Variants in PSMD13 observed in about 807,000 individuals in gnomAD.
PSMD13 encodes 26S proteasome non-ATPase regulatory subunit 13.
PSMD13 carries 8 observed loss-of-function variants against 57.4 expected under a neutral mutation model. The observed-to-expected ratio is 0.14, with a 90% CI of 0.08 to 0.25. The LOEUF (loss-of-function observed/expected upper bound fraction) is 0.25, where lower values mean the gene tolerates loss of function less well. Ranked by LOEUF, PSMD13 falls within the 10% of genes least tolerant of loss-of-function variation. PSMD13 has a pLI of 1.00. For synonymous variants in PSMD13, 193 were observed against 168.2 expected, an observed-to-expected ratio of 1.15 and a Z score of -1.14; for missense variants, 400 against 461.5, an observed-to-expected ratio of 0.87 and a Z score of 1.22.
In PSMD13 at chr11:251,587, T is replaced by C; in HGVS notation, c.879T>C (p.Phe293=). 6.2e-7 allele frequency: 1 copy of C among 1,614,194 alleles called. No homozygotes were observed. ...CTGCCAATCACAGACAACTCACTTTTGAAGAAATTGCCAAAAGTGCTAAAA... is the reference window on the plus strand; with the variant it reads ...CTGCCAATCACAGACAACTCACTTTCGAAGAAATTGCCAAAAGTGCTAAAA... ...TRPANHRQLT[F]EEIAKSAKIT... is the part of the protein sequence containing the mutation. Residue 293 remains phenylalanine (F), a synonymous_variant, in exon 11 of 13, where the codon TTT becomes TTC. Transcript: ENST00000532097. This position sits in a 1 kb window ranked among gnomAD's most constrained non-coding sequence, Gnocchi z 4.6.
chr11:247,705 T>C (rs1045488824), intron 7 of PSMD13: 20 of 291,220 alleles, frequency 6.9e-5, no homozygotes, highest in East Asian at 1.7e-4. Flanking sequence ...TGATGGTGGG[T>C]GCCTGTAATC....
intron 9 of PSMD13, 66 bp from the exon 10 acceptor site, chr11:250,737 T>G (rs1309474225): frequency 2.7e-6 from 4 of 1,460,308 alleles, no homozygotes; most frequent in Non-Finnish European, 3.8e-6. Context: ...GAATTCCAGA[T>G]CCCCAGTTAA....
chr11:247,335 A>G lies in PSMD13; in HGVS notation c.455A>G (p.His152Arg). ...AACCTTCCTGGTGTGACATCGGTTC[A>G]CAGTCGTTTCTATGATCTCTCCAGT... is the stretch of plus-strand genomic sequence containing the variant. ...LNNLPGVTSV[H>R]SRFYDLSSKY... The change falls in exon 7 of 13, where the codon CAC (histidine) becomes CGC (arginine). Residue 152 changes from histidine (H) to arginine (R), a missense_variant. Physicochemically the swap from His to Arg is conservative, Grantham distance 29. Coordinates refer to ENST00000532097, the MANE Select transcript of PSMD13 (RefSeq NM_002817.4). The G allele has an allele frequency of 3.1e-6, 5 of 1,614,186 alleles. No individual in the cohort carries two copies. Among genetic ancestry groups the G allele is most frequent in the Non-Finnish European group, 4.2e-6 (5 of 1,180,010 alleles).
At chr11:241,823 C>T (rs1041954623) in intron 2 of PSMD13, among the ~76,000 whole-genome samples, 5 of 152,164 alleles carry the variant, frequency 3.3e-5, no homozygotes, top group African/African-American at 1.2e-4. Flanking sequence ...TCCTCTCTGC[C>T]CCAGGCGTGT....
intron 2 of PSMD13, among the ~76,000 whole-genome samples, chr11:242,788 C>G (rs1157405768): frequency 5.9e-5 from 9 of 151,864 alleles, no homozygotes; most frequent in Admixed American, 5.9e-4. Context: ...TACATTATGT[C>G]TTTTTCTTTT....
In PSMD13 at chr11:243,125, TC is replaced by T. The variant is rs570380382; in HGVS notation, c.175-913del. The T allele has an allele frequency of 2.9e-3, 1,776 of 606,240 alleles. 8 individuals are homozygous for T. The highest frequency in any genetic ancestry group is 4.4e-3 in the Non-Finnish European group (1,384 of 312,034). 37.6% of individuals were successfully genotyped at this position (606,240 alleles called of 1,614,324 possible). On this transcript the variant is annotated intron_variant, in intron 2 of 12. Coordinates refer to ENST00000532097, the MANE Select transcript of PSMD13 (RefSeq NM_002817.4). The stretch of plus-strand genomic sequence containing the variant: ...GTCTTTTTCTTTCCCTTTTTTTACT[TC>T]CCTCTCCTTGTTGAAGACTTTGGTC...
chr11:245,978 A>G (rs991727608), intron 6 of PSMD13, among the ~76,000 whole-genome samples: 1 of 152,170 alleles, frequency 6.6e-6, no homozygotes, highest in Admixed American at 6.5e-5. Context: ...GCCACACGGC[A>G]CAGTCAGGGT....
At chr11:248,737 T>C (rs1238322376) in intron 7 of PSMD13, 39 bp from the exon 8 acceptor site, 1 of 1,586,260 alleles carries the variant, frequency 6.3e-7, no homozygotes, top group Non-Finnish European at 8.7e-7. Context: ...GACTGATTAT[T>C]ATGACTGGAT....
rs906879858 is a variant in PSMD13 at position 252,960 on chromosome 11, T to C, written c.*360T>C. ...CCGTTGCGGTTTGAGAATGTTCCTA[T>C]AATAAACCCCTCTGCTTTGTTCTTC... On this transcript the variant is annotated 3_prime_UTR_variant, in exon 13 of 13. Coordinates refer to ENST00000532097, the MANE Select transcript of PSMD13 (RefSeq NM_002817.4). This position sits in a 1 kb window ranked among gnomAD's most constrained non-coding sequence, Gnocchi z 4.1. 5.3e-6 allele frequency: 1 copy of C among 190,446 alleles called. No individual in the cohort carries two copies. Among genetic ancestry groups the C allele is most frequent in the Non-Finnish European group, 1.1e-5 (1 of 89,818 alleles). 11.8% of individuals were successfully genotyped at this position (190,446 alleles called of 1,614,324 possible). A position where few individuals can be genotyped will look rare whatever the true frequency, so the allele number is the denominator to read the frequency against.
chr11:247,586 C>A (rs1231853471), intron 7 of PSMD13, 138 bp downstream of exon 7: 2 of 923,850 alleles, frequency 2.2e-6, no homozygotes, highest in Middle Eastern at 2.3e-4. Context: ...AATCCCAGCA[C>A]TTTGGAAGGC....
intron 2 of PSMD13, chr11:243,369 A>C: frequency 5.8e-6 from 2 of 346,206 alleles, no homozygotes. Flanking sequence ...CCAACTGCTA[A>C]ACATAGATCT....
At chr11:246,101 T>C (rs1859642130) in intron 6 of PSMD13, among the ~76,000 whole-genome samples, 1 of 152,196 alleles carries the variant, frequency 6.6e-6, no homozygotes, top group Admixed American at 6.5e-5. Flanking sequence ...TAACATTGGC[T>C]CAATACTAGG....
At chr11:237,193 G>A in intron 1 of PSMD13, 49 bp downstream of exon 1, 1 of 1,557,092 alleles carries the variant, frequency 6.4e-7, no homozygotes, top group African/African-American at 1.4e-5. Flanking sequence ...GAGGGAGACG[G>A]AGGGGGCAGG....
intron 5 of PSMD13, 101 bp downstream of exon 5, chr11:244,570 A>C (rs1343937216): frequency 1.3e-6 from 2 of 1,488,624 alleles, no homozygotes; most frequent in African/African-American, 2.8e-5. Context: ...AGAGACCACA[A>C]GGCCTCTAGT....
In PSMD13 at chr11:249,115, C is replaced by T. The variant is rs540114216; in HGVS notation, c.774+58C>T. ...CCCATGTATCTACTCGCTCATACAA[C>T]AGATGTTCATTGAGCGTCTTCCCTA... is the stretch of plus-strand genomic sequence containing the variant. On this transcript the variant is annotated intron_variant, in intron 9 of 12. Coordinates refer to ENST00000532097, the MANE Select transcript of PSMD13 (RefSeq NM_002817.4). 3.8e-5 allele frequency: 60 copies of T among 1,597,422 alleles called. No individual in the cohort carries two copies. In the Admixed American group the frequency reaches 4.5e-4, roughly 12 times the overall value.
At chr11:238,173 C>T (rs533995116) in intron 1 of PSMD13, among the ~76,000 whole-genome samples, 4 of 152,296 alleles carry the variant, frequency 2.6e-5, no homozygotes, top group Admixed American at 2.6e-4. Flanking sequence ...CTTTATTCAT[C>T]CTTTTCACAG....
At chr11:245,849 T>C (rs1189537488) in intron 6 of PSMD13, among the ~76,000 whole-genome samples, 28 of 152,168 alleles carry the variant, frequency 1.8e-4, no homozygotes, top group Admixed American at 1.8e-3. Context: ...TCCTAACCCA[T>C]ATGCATACTT....
intron 1 of PSMD13, 73 bp downstream of exon 1, chr11:237,217 G>A: frequency 9.7e-6 from 14 of 1,442,142 alleles, no homozygotes; most frequent in South Asian, 2.4e-5. Flanking sequence ...GCGGAGGAGC[G>A]GACCCTTGAT....
Position 247,414 on chromosome 11 carries a change from GT to G in PSMD13, c.539del (p.Leu180TrpfsTer23). 6.2e-7 allele frequency: 1 copy of G among 1,614,104 alleles called. No individual in the cohort carries two copies. The highest frequency in any genetic ancestry group is 8.5e-7 in the Non-Finnish European group (1 of 1,179,998). On this transcript the variant is annotated frameshift_variant, in exon 7 of 13. Coordinates refer to ENST00000532097, the MANE Select transcript of PSMD13 (RefSeq NM_002817.4). LOFTEE classifies it high-confidence loss of function. The part of the protein sequence containing the change: ...HASYYKDALR[F>X]LGCVDIKDLP... Reference sequence around the variant, plus strand: ...CGTCCTACTACAAAGATGCTCTGCGGTTTTTGGGCTGTGTTGACATCAAGGA... The same window carrying G: ...CGTCCTACTACAAAGATGCTCTGCGGTTTTGGGCTGTGTTGACATCAAGGA...
Sources: gnomAD v4.1 joint callset for allele counts (sites outside exome capture counted in the v4.1 genomes callset) on GRCh38, gnomAD v4.1.1 for gene constraint, Gnocchi (gnomAD v3.1) non-coding constraint, MANE v1.5 for transcripts, NCBI Gene and HGNC (gene_info 2026-07-23, HGNC 2026-07-21) for gene names.